The following RIPK1 variants were observed in gnomAD, a reference collection of about 807,000 sequenced individuals.
RIPK1 encodes the protein receptor interacting serine/threonine kinase 1, also known as receptor-interacting serine/threonine-protein kinase 1.
In RIPK1, 27 loss-of-function variants were observed where a neutral mutation model predicts 62.4. The ratio of observed to expected loss-of-function variants is 0.43; its 90% CI spans 0.32 to 0.60. The LOEUF is 0.60. RIPK1 is among the 20% of genes least tolerant of loss of function. The probability of loss-of-function intolerance (pLI) is 0.07; values close to 1 mark genes in which losing one functional copy is unlikely to be tolerated. For synonymous variants in RIPK1, 287 were observed against 303.2 expected, an observed-to-expected ratio of 0.95 and a Z score of 0.55; for missense variants, 735 against 831.0, an observed-to-expected ratio of 0.88 and a Z score of 1.42.
chr6:3,069,615 G>A (rs977452605), intron 1 of RIPK1, among the ~76,000 whole-genome samples: 2 of 152,180 alleles, frequency 1.3e-5, no homozygotes, highest in Non-Finnish European at 2.9e-5. Flanking sequence ...AAGAAGCCAA[G>A]GCAGGAAGTG....
chr6:3,083,144 C>T lies in RIPK1; in HGVS notation c.519C>T (p.His173=). 1.9e-6 allele frequency: 3 copies of T among 1,614,028 alleles called. No individual in the cohort carries two copies. Among genetic ancestry groups the T allele is most frequent in the Non-Finnish European group, 2.5e-6 (3 of 1,179,944 alleles). Residue 173 remains histidine (H), a synonymous_variant, in exon 5 of 11, where the codon CAC becomes CAT. Transcript: ENST00000259808. ...GGAGCAAACTGAATAATGAAGAGCA[C>T]AATGAGCTGAGGGAAGTGGACGGCA... is the stretch of plus-strand genomic sequence containing the variant. The part of the protein sequence containing the change: ...KMWSKLNNEE[H]NELREVDGTA...
rs571247813 is a variant in RIPK1, at chr6:3,073,051, A to T, written c.-60-3713A>T. On this transcript the variant is annotated intron_variant, in intron 1 of 10. Coordinates refer to ENST00000259808, the MANE Select transcript of RIPK1 (RefSeq NM_001354930.2). ...TAAACACATGTGGGCGGCTGGGCCA[A>T]CCATAGCTAGAGACATAAAGCAGGC... Among the ~76,000 whole-genome samples the T allele has an allele frequency of 2.0e-5, 3 of 152,210 alleles. No homozygotes were observed. The East Asian group carries it at 5.8e-4, about 29-fold the overall frequency.
In RIPK1 at chr6:3,105,323, A is replaced by C. The variant is rs75585522; in HGVS notation, c.1007-159A>C. Among the ~76,000 whole-genome samples, 958 of 152,276 alleles carry C rather than the reference A, an allele frequency of 6.3e-3. 17 individuals carry two copies. The East Asian group carries it at 0.065, about 10-fold the overall frequency. On this transcript the variant is annotated intron_variant, in intron 8 of 10. Coordinates refer to ENST00000259808, the MANE Select transcript of RIPK1 (RefSeq NM_001354930.2). This position sits in a 1 kb window ranked among gnomAD's most constrained non-coding sequence, Gnocchi z 4.5. ...GAGGAGCTCCTATTATTATTTGTAAAGCTTGTGGGAAGAGGACCATCTCCT... is the reference window on the plus strand; with the variant it reads ...GAGGAGCTCCTATTATTATTTGTAACGCTTGTGGGAAGAGGACCATCTCCT...
chr6:3,070,734 C>T (rs1407653881), intron 1 of RIPK1, among the ~76,000 whole-genome samples: 1 of 142,542 alleles, frequency 7.0e-6, no homozygotes, highest in African/African-American at 3.1e-5. Context: ...CCTCACCTTC[C>T]TGTATTTAAA....
intron 5 of RIPK1, 39 bp downstream of exon 5, chr6:3,083,352 A>T: frequency 6.5e-7 from 1 of 1,536,102 alleles, no homozygotes. Flanking sequence ...TCCCCTCAGC[A>T]TCTACACGCA....
chr6:3,105,726 T>C lies in RIPK1; in HGVS notation c.1251T>C (p.His417=), dbSNP rs1340508455. 1.9e-6 allele frequency: 3 copies of C among 1,614,122 alleles called. No homozygotes were observed. The South Asian group carries it at 3.3e-5, about 18-fold the overall frequency. The change falls in exon 9 of 11, where the codon CAT becomes CAC. Residue 417 remains histidine (H), a synonymous_variant. Transcript: ENST00000259808. The surrounding 1 kb of genome is among the most constrained non-coding windows in gnomAD (Gnocchi z 4.5). ...REEERRRRVS[H]DPFAQQRPYE... ...AGGAAAGGAGACGCAGGGTCTCCCA[T>C]GACCCTTTTGCACAGCAAAGACCTT...
chr6:3,111,116 CATTT>C (rs1483459649), intron 10 of RIPK1, among the ~76,000 whole-genome samples, 161 bp downstream of exon 10: 3 of 152,068 alleles, frequency 2.0e-5, no homozygotes, highest in Non-Finnish European at 4.4e-5. Context: ...ATTCCTTTGT[CATTT>C]ATTTATTTTT....
chr6:3,096,955 C>T (rs1760347301), intron 7 of RIPK1, among the ~76,000 whole-genome samples: 1 of 152,126 alleles, frequency 6.6e-6, no homozygotes, highest in South Asian at 2.1e-4. Flanking sequence ...ACTGAAACCT[C>T]TGCCTCCCGC....
At position 3,106,034 on chromosome 6, in the gene RIPK1, G is replaced by C. The variant is rs769646757; in HGVS notation, c.1559G>C (p.Ser520Thr). ...YLGNTPTMPF[S>T]SLPPTDESIK... is the part of the protein sequence containing the mutation. ...GGAAATACACCCACCATGCCATTCAGCTCCTTGCCACCAACAGGTAAATGG... is the reference window on the plus strand; with the variant it reads ...GGAAATACACCCACCATGCCATTCACCTCCTTGCCACCAACAGGTAAATGG... Residue 520 changes from serine to threonine, a missense_variant, in exon 9 of 11, where the codon AGC (serine) becomes ACC (threonine). This residue lies in a region of RIPK1 where 671 missense variants were observed against 726.2 expected (regional missense o/e 0.92). Coordinates refer to ENST00000259808, the MANE Select transcript of RIPK1 (RefSeq NM_001354930.2). The C allele has an allele frequency of 2.7e-5, 44 of 1,604,570 alleles. No homozygotes were observed. In the Admixed American group the frequency reaches 6.8e-4, roughly 25 times the overall value.
chr6:3,097,567 C>G (rs1760380579), intron 7 of RIPK1, among the ~76,000 whole-genome samples: 2 of 152,076 alleles, frequency 1.3e-5, no homozygotes, highest in Admixed American at 1.3e-4. Context: ...GGGCTTCTAC[C>G]TTACACCATA....
chr6:3,077,013 G>T, intron 2 of RIPK1, 26 bp downstream of exon 2: 5 of 1,521,966 alleles, frequency 3.3e-6, no homozygotes, highest in East Asian at 2.3e-5. Context: ...GGGTGGGTGG[G>T]CTAAGTTCTG....
chr6:3,073,915 C>T (rs1758913486), intron 1 of RIPK1, among the ~76,000 whole-genome samples: 2 of 152,242 alleles, frequency 1.3e-5, no homozygotes, highest in Admixed American at 1.3e-4. Flanking sequence ...CTTGCTTCAT[C>T]GTGTAATTCT....
At chr6:3,063,982 G>A (rs945723326), upstream of RIPK1, 1 of 152,510 alleles carries the variant, frequency 6.6e-6, no homozygotes, top group African/African-American at 2.4e-5. Flanking sequence ...TCCGCGGCGA[G>A]CGCAGCAGCA....
At chr6:3,068,118 T>C (rs747981761), upstream of RIPK1, 9 of 760,110 alleles carry the variant, frequency 1.2e-5, no homozygotes, top group Non-Finnish European at 1.4e-5. Flanking sequence ...GCTCGAGACT[T>C]CACAATTACC....
chr6:3,085,521 G>T (rs757735823), intron 6 of RIPK1, 113 bp downstream of exon 6: 22 of 1,131,992 alleles, frequency 1.9e-5, no homozygotes, highest in Non-Finnish European at 2.8e-5. Context: ...GACTTGACTT[G>T]TGGTTTTAAA....
At chr6:3,104,192 C>A in intron 7 of RIPK1, 33 bp from the exon 8 acceptor site, 1 of 964,876 alleles carries the variant, frequency 1.0e-6, no homozygotes, top group Non-Finnish European at 1.6e-6. Context: ...TCCTGCTGTT[C>A]ACTAAAGTGT....
chr6:3,104,353 G>A, intron 8 of RIPK1, 38 bp downstream of exon 8: 3 of 1,114,826 alleles, frequency 2.7e-6, no homozygotes, highest in Middle Eastern at 2.0e-4. Flanking sequence ...TCATTTATTT[G>A]TTTGGTTACT....
chr6:3,070,897 G>GT (rs1179999984), intron 1 of RIPK1, among the ~76,000 whole-genome samples: 1 of 152,232 alleles, frequency 6.6e-6, no homozygotes, highest in Non-Finnish European at 1.5e-5. Context: ...TGAGCCAATA[G>GT]TGAAAGTTTG....
rs762944804 is a variant in RIPK1, at chr6:3,110,973, G to T, written c.1729+18G>T. 1.6e-5 allele frequency: 25 copies of T among 1,574,264 alleles called. No homozygotes were observed. The East Asian group carries it at 5.1e-4, about 32-fold the overall frequency. ...TATCTTTGGTAAGATACCCTGGAAG[G>T]ACTCAACGCCTAGCAACCTTGAACT... On this transcript the variant is annotated intron_variant, in intron 10 of 10. Coordinates refer to ENST00000259808, the MANE Select transcript of RIPK1 (RefSeq NM_001354930.2).
Sources: allele counts gnomAD v4.1 joint callset (sites outside exome capture counted in the v4.1 genomes callset), GRCh38; gene constraint gnomAD v4.1.1; regional missense constraint gnomAD v4.1.1; non-coding constraint Gnocchi (gnomAD v3.1); transcripts MANE v1.5; gene names NCBI Gene and HGNC (gene_info 2026-07-23, HGNC 2026-07-21).